Variants in CNTNAP2 observed in about 807,000 individuals in gnomAD.
CNTNAP2 encodes the protein contactin-associated protein-like 2.
A neutral mutation model predicts 155.2 loss-of-function variants in CNTNAP2; 98 were observed. The ratio of observed to expected loss-of-function variants is 0.63; its 90% confidence interval spans 0.54 to 0.75. The LOEUF (loss-of-function observed/expected upper bound fraction) is 0.75, where lower values mean the gene tolerates loss of function less well. CNTNAP2 is among the 30% of genes least tolerant of loss of function. The probability of loss-of-function intolerance (pLI) is 0.00; values close to 1 mark genes in which losing one functional copy is unlikely to be tolerated. For missense variants in CNTNAP2, 1,727 were observed against 1,688.1 expected (o/e 1.02, Z -0.40); for synonymous variants, 651 against 631.2 (o/e 1.03, Z -0.47).
At chr7:147,491,130 C>A (rs1044293809) in intron 11 of CNTNAP2, among the ~76,000 whole-genome samples, 1 of 152,094 alleles carries the variant, frequency 6.6e-6, no homozygotes, top group Non-Finnish European at 1.5e-5. Flanking sequence ...GATATTTAGC[C>A]TTAGGGAATT....
At chr7:146,833,893 C>A (rs1399599877) in intron 2 of CNTNAP2, among the ~76,000 whole-genome samples, 1 of 152,002 alleles carries the variant, frequency 6.6e-6, no homozygotes, top group Admixed American at 6.6e-5. Flanking sequence ...ATTTTTTGAT[C>A]CTGGCTATGT....
intron 13 of CNTNAP2, among the ~76,000 whole-genome samples, chr7:147,694,032 G>T (rs1314834562): frequency 6.6e-6 from 1 of 151,888 alleles, no homozygotes; most frequent in Non-Finnish European, 1.5e-5. Context: ...ACTTTATTGA[G>T]CATTTTGTTA....
chr7:148,202,731 G>C (rs1397176819), intron 18 of CNTNAP2, among the ~76,000 whole-genome samples: 1 of 152,182 alleles, frequency 6.6e-6, no homozygotes, highest in African/African-American at 2.4e-5. Flanking sequence ...AGGGGGATCT[G>C]GCAAATGCCC....
chr7:147,011,840 T>C (rs1057086668), intron 3 of CNTNAP2, among the ~76,000 whole-genome samples: 57 of 152,292 alleles, frequency 3.7e-4, no homozygotes, highest in African/African-American at 1.3e-3. Context: ...TTCCAGAAAG[T>C]GTCCAGCACC....
At chr7:146,782,057 A>T (rs954579372) in intron 2 of CNTNAP2, among the ~76,000 whole-genome samples, 11 of 152,202 alleles carry the variant, frequency 7.2e-5, no homozygotes, top group African/African-American at 2.7e-4. Flanking sequence ...AGAATATAAC[A>T]TCAAGGCTTA....
intron 9 of CNTNAP2, among the ~76,000 whole-genome samples, chr7:147,326,552 G>T (rs1287077992): frequency 1.3e-5 from 2 of 152,200 alleles, no homozygotes; most frequent in African/African-American, 4.8e-5. Flanking sequence ...ATACCCAGGA[G>T]TGGAATTGCT....
intron 9 of CNTNAP2, among the ~76,000 whole-genome samples, chr7:147,329,052 A>T (rs1217926995): frequency 6.6e-6 from 1 of 152,104 alleles, no homozygotes; most frequent in Non-Finnish European, 1.5e-5. Flanking sequence ...CTACCTTGAA[A>T]CTGCAATGAA....
intron 12 of CNTNAP2, among the ~76,000 whole-genome samples, chr7:147,635,198 A>ATATATATATATATATG (rs1554415300): frequency 6.7e-6 from 1 of 149,102 alleles, no homozygotes; most frequent in African/African-American, 2.5e-5. Flanking sequence ...ATATATATAT[A>ATATATATATATATATG]TATGTTTAAT....
chr7:147,229,674 A>G (rs1300576117), intron 8 of CNTNAP2, among the ~76,000 whole-genome samples: 1 of 152,242 alleles, frequency 6.6e-6, no homozygotes, highest in Non-Finnish European at 1.5e-5. Flanking sequence ...AGTAATCAAT[A>G]TTCTCAGTCA....
At chr7:146,464,564 A>C (rs150391411) in intron 1 of CNTNAP2, among the ~76,000 whole-genome samples, 1 of 152,238 alleles carries the variant, frequency 6.6e-6, no homozygotes, top group African/African-American at 2.4e-5. Context: ...CTGTAAATAC[A>C]TAGTTGCACC....
At chr7:146,928,603 G>T (rs1050387065) in intron 3 of CNTNAP2, among the ~76,000 whole-genome samples, 4 of 152,156 alleles carry the variant, frequency 2.6e-5, no homozygotes, top group African/African-American at 7.2e-5. Context: ...TGGGTGCAGC[G>T]CACCGTGCAC....
intron 1 of CNTNAP2, among the ~76,000 whole-genome samples, chr7:146,225,795 G>A (rs188136343): frequency 3.5e-4 from 54 of 152,272 alleles, no homozygotes; most frequent in Middle Eastern, 3.4e-3. Context: ...TAATCTGCCA[G>A]CTCACTGTTA....
chr7:148,019,368 G>A (rs934723304), intron 15 of CNTNAP2, among the ~76,000 whole-genome samples: 1 of 152,184 alleles, frequency 6.6e-6, no homozygotes, highest in Non-Finnish European at 1.5e-5. Context: ...GGTGTGGAAT[G>A]CTGCTTTCGC....
At chr7:148,247,429 G>A (rs974806805) in intron 20 of CNTNAP2, among the ~76,000 whole-genome samples, 1 of 151,932 alleles carries the variant, frequency 6.6e-6, no homozygotes, top group African/African-American at 2.4e-5. Context: ...CTCTGTCTTC[G>A]TTCTCTACTG....
At position 148,180,655 on chromosome 7, in the gene CNTNAP2, T is replaced by C. The variant is rs536380093; in HGVS notation, c.3010+8177T>C. Among the ~76,000 whole-genome samples, 10 of 152,278 alleles carry C rather than the reference T, an allele frequency of 6.6e-5. No homozygotes were observed. The South Asian group carries it at 1.0e-3, about 16-fold the overall frequency. ...TACCTCCTCAGACCCAGGGCCTATATACCATAGAGAAAGGGTCTACATGCT... is the reference window on the plus strand; with the variant it reads ...TACCTCCTCAGACCCAGGGCCTATACACCATAGAGAAAGGGTCTACATGCT... On this transcript the variant is annotated intron_variant, in intron 18 of 23. Coordinates refer to ENST00000361727, the MANE Select transcript of CNTNAP2 (RefSeq NM_014141.6).
chr7:147,810,346 T>C (rs1798160400), intron 13 of CNTNAP2, among the ~76,000 whole-genome samples: 1 of 151,928 alleles, frequency 6.6e-6, no homozygotes, highest in Non-Finnish European at 1.5e-5. Flanking sequence ...TTCTCTGTGA[T>C]CTTAAGAAAT....
intron 1 of CNTNAP2, among the ~76,000 whole-genome samples, chr7:146,153,282 C>T (rs1027443598): frequency 1.3e-5 from 2 of 152,092 alleles, no homozygotes; most frequent in East Asian, 3.8e-4. Flanking sequence ...TACAGTTACA[C>T]GTTCCAACCA....
At chr7:147,472,912 G>A (rs976238903) in intron 10 of CNTNAP2, among the ~76,000 whole-genome samples, 1 of 152,160 alleles carries the variant, frequency 6.6e-6, no homozygotes, top group East Asian at 1.9e-4. Context: ...AGCAGGTGGA[G>A]TGTCCAAGTT....
chr7:147,956,579 C>T (rs942413313), intron 14 of CNTNAP2, among the ~76,000 whole-genome samples: 14 of 152,156 alleles, frequency 9.2e-5, no homozygotes, highest in African/African-American at 2.9e-4. Context: ...TATCGAAGCA[C>T]ATGCAGATGC....
Sources: gnomAD v4.1 joint callset for allele counts (sites outside exome capture counted in the v4.1 genomes callset) on GRCh38, gnomAD v4.1.1 for gene constraint, MANE v1.5 for transcripts, NCBI Gene and HGNC (gene_info 2026-07-23, HGNC 2026-07-21) for gene names.